The following PHACTR2 variants were observed in gnomAD, a reference collection of about 807,000 sequenced individuals.
PHACTR2 encodes phosphatase and actin regulator 2.
PHACTR2 carries 30 observed loss-of-function variants against 76.0 expected under a neutral mutation model. That is an observed-to-expected ratio of 0.39 (90% CI 0.30 to 0.54). PHACTR2 has a LOEUF of 0.54. Ranked by LOEUF, PHACTR2 falls within the 20% of genes least tolerant of loss-of-function variation. The probability of loss-of-function intolerance (pLI) is 0.61; values close to 1 mark genes in which losing one functional copy is unlikely to be tolerated. For missense variants in PHACTR2, 696 were observed against 781.1 expected, an observed-to-expected ratio of 0.89 and a Z score of 1.30; for synonymous variants, 292 against 292.5, an observed-to-expected ratio of 1.00 and a Z score of 0.02.
rs1352174516 is a variant in PHACTR2, at chr6:143,641,155, T to C, written c.13+32833T>C. ...GAGAGAGCAAGAGGGGGTTCAAACT[T>C]GCCATTTTATCGCAACATTAATCCC... On this transcript the variant is annotated intron_variant, in intron 1 of 11. Transcript: ENST00000305766. This position sits in a 1 kb window ranked among gnomAD's most constrained non-coding sequence, Gnocchi z 5.8. 6.6e-6 allele frequency among the ~76,000 whole-genome samples: 1 copy of C among 152,146 alleles called. No individual in the cohort carries two copies. The highest frequency in any genetic ancestry group is 1.5e-5 in the Non-Finnish European group (1 of 68,032).
chr6:143,556,616 C>T lies in PHACTR2; in HGVS notation c.217+19409C>T, dbSNP rs1401125891. ...AATCAATCTAAACGCAGCCCTAGAG[C>T]AGCAATTCAGCTTCCCAGCTTGGAG... On this transcript the variant is annotated intron_variant, in intron 1 of 11. Coordinates refer to the PHACTR2 transcript ENST00000367584. This position sits in a 1 kb window ranked among gnomAD's most constrained non-coding sequence, Gnocchi z 4.3. Among the ~76,000 whole-genome samples the T allele has an allele frequency of 1.3e-5, 2 of 152,202 alleles. No individual in the cohort carries two copies. The highest frequency in any genetic ancestry group is 2.9e-5 in the Non-Finnish European group (2 of 68,044).
At chr6:143,762,341 T>C (rs528229784) in intron 5 of PHACTR2, among the ~76,000 whole-genome samples, 1 of 152,340 alleles carries the variant, frequency 6.6e-6, no homozygotes, top group East Asian at 1.9e-4. Context: ...ACAGCTTTCA[T>C]AAACGATTTT....
chr6:143,657,198 T>C (rs781638100), intron 1 of PHACTR2, among the ~76,000 whole-genome samples: 1 of 152,004 alleles, frequency 6.6e-6, no homozygotes, highest in Non-Finnish European at 1.5e-5. Context: ...CATGTAAACC[T>C]ATGTAACAAA....
In PHACTR2 at chr6:143,541,904, T is replaced by G. The variant is rs1183388802; in HGVS notation, c.217+4697T>G. On this transcript the variant is annotated intron_variant, in intron 1 of 11. Coordinates refer to the PHACTR2 transcript ENST00000367584. This position sits in a 1 kb window ranked among gnomAD's most constrained non-coding sequence, Gnocchi z 5.3. ...AACTCTTTGAGTTGATGCTTTGTGC[T>G]CCGAAAGGGTGTCTGGGTCCCAAGA... 6.6e-6 allele frequency among the ~76,000 whole-genome samples: 1 copy of G among 152,198 alleles called. No homozygotes were observed. Among genetic ancestry groups the G allele is most frequent in the Non-Finnish European group, 1.5e-5 (1 of 68,042 alleles).
intron 2 of PHACTR2, among the ~76,000 whole-genome samples, chr6:143,735,160 T>C (rs893276019): frequency 2.0e-5 from 3 of 152,224 alleles, no homozygotes; most frequent in Admixed American, 6.5e-5. Flanking sequence ...TTTCTCCAAC[T>C]GATTCCCAAG....
In PHACTR2 at chr6:143,704,095, C is replaced by CTGTGTGTGTGTGTGTCTGTGTGTGTG. The variant is rs71024872; in HGVS notation, c.47-7906_47-7905insCTGTGTGTGTGTGTGTGTGTGTGTGT. Among the ~76,000 whole-genome samples, 11 of 144,210 alleles carry CTGTGTGTGTGTGTGTCTGTGTGTGTG rather than the reference C, an allele frequency of 7.6e-5. No homozygotes were observed. The South Asian group carries it at 9.0e-4, about 12-fold the overall frequency. 94.6% of individuals were successfully genotyped at this position (144,210 alleles called of 152,430 possible). On this transcript the variant is annotated intron_variant, in intron 1 of 12. Coordinates refer to ENST00000440869, the MANE Select transcript of PHACTR2 (RefSeq NM_001100164.2). ...ATCATGGGTGTGTGTGTGTGTGTGTCTGTGTGTGTGTGTGTGTGTGTGTGT... is the reference window on the plus strand; with the variant it reads ...ATCATGGGTGTGTGTGTGTGTGTGTCTGTGTGTGTGTGTGTCTGTGTGTGTGTGTGTGTGTGTGTGTGTGTGTGTGT...
rs1359551628 is a variant in PHACTR2 at position 143,794,478 on chromosome 6, T to C, written c.1845+5568T>C. 6.6e-6 allele frequency among the ~76,000 whole-genome samples: 1 copy of C among 152,096 alleles called. No homozygotes were observed. The highest frequency in any genetic ancestry group is 1.5e-5 in the Non-Finnish European group (1 of 68,016). On this transcript the variant is annotated intron_variant, in intron 11 of 12. Transcript: ENST00000440869. The surrounding 1 kb of genome is among the most constrained non-coding windows in gnomAD (Gnocchi z 4.1). ...ATTTTTAAAAACTATTCAAAGTAAATATTTCCACCTCTGCTTTAAAAAATA... is the reference window on the plus strand; with the variant it reads ...ATTTTTAAAAACTATTCAAAGTAAACATTTCCACCTCTGCTTTAAAAAATA...
Position 143,678,013 on chromosome 6 carries a change from A to C in PHACTR2, c.-151A>C. 1 of 1,459,610 alleles carries C rather than the reference A, an allele frequency of 6.9e-7. No individual in the cohort carries two copies. The highest frequency in any genetic ancestry group is 9.1e-7 in the Non-Finnish European group (1 of 1,100,218). The allele number at this position is 1,459,610 out of a possible 1,614,324, so 90.4% of individuals were successfully genotyped here. Reference sequence around the variant, plus strand: ...GCCGGCTGCGGCCGGCCGGGCTGGGAGACCCGCGCGGGGTAGAAGGTGAGG... The same window carrying C: ...GCCGGCTGCGGCCGGCCGGGCTGGGCGACCCGCGCGGGGTAGAAGGTGAGG... On this transcript the variant is annotated 5_prime_UTR_variant, in exon 1 of 13. Coordinates refer to ENST00000440869, the MANE Select transcript of PHACTR2 (RefSeq NM_001100164.2). This position sits in a 1 kb window ranked among gnomAD's most constrained non-coding sequence, Gnocchi z 6.2.
chr6:143,608,104 A>T (rs2128436895), upstream of PHACTR2: 13 of 614,376 alleles, frequency 2.1e-5, no homozygotes, highest in South Asian at 2.1e-4. This position sits in a 1 kb window ranked among gnomAD's most constrained non-coding sequence, Gnocchi z 4.6. Context: ...AGTCTCTCTT[A>T]ATCAGCCTGT....
intron 11 of PHACTR2, among the ~76,000 whole-genome samples, chr6:143,802,470 T>C (rs950833293): frequency 2.8e-5 from 4 of 144,976 alleles, no homozygotes; most frequent in African/African-American, 1.0e-4. Context: ...CAAAACCTCA[T>C]CTCCACAAAT....
At chr6:143,687,910 A>T (rs1174021552) in intron 1 of PHACTR2, among the ~76,000 whole-genome samples, 2 of 152,210 alleles carry the variant, frequency 1.3e-5, no homozygotes, top group Non-Finnish European at 2.9e-5. Context: ...CAGTTCCTAA[A>T]TTAAAGTTAT....
Position 143,589,395 on chromosome 6 carries a change from C to A in PHACTR2, c.217+52188C>A, listed in dbSNP as rs1295088221. On this transcript the variant is annotated intron_variant, in intron 1 of 11. Transcript: ENST00000367584. This position sits in a 1 kb window ranked among gnomAD's most constrained non-coding sequence, Gnocchi z 4.4. ...TTCCTCCTGCTCCAGCCATGTAAGA[C>A]GTGCCTGCTTCCTCTTTGCCTTTTG... 6.6e-6 allele frequency among the ~76,000 whole-genome samples: 1 copy of A among 152,198 alleles called. No homozygotes were observed. Among genetic ancestry groups the A allele is most frequent in the Non-Finnish European group, 1.5e-5 (1 of 68,046 alleles).
intron 1 of PHACTR2, among the ~76,000 whole-genome samples, chr6:143,631,578 A>G (rs950709872): frequency 5.9e-5 from 9 of 152,092 alleles, no homozygotes; most frequent in Non-Finnish European, 7.4e-5. Flanking sequence ...GTTACTTTGT[A>G]TTAAATTGAA....
chr6:143,654,439 A>G lies in PHACTR2; in HGVS notation c.13+46117A>G, dbSNP rs114412316. On this transcript the variant is annotated intron_variant, in intron 1 of 11. Coordinates refer to the PHACTR2 transcript ENST00000305766. This position sits in a 1 kb window ranked among gnomAD's most constrained non-coding sequence, Gnocchi z 4.6. The stretch of plus-strand genomic sequence containing the variant: ...ACAGCCTAAAAGTGGAAACAACCCA[A>G]ATGTTCATCAAACTGATGAATTCGT... Among the ~76,000 whole-genome samples the G allele has an allele frequency of 0.018, 2,760 of 152,276 alleles. 83 individuals are homozygous for G. Among genetic ancestry groups the G allele is most frequent in the African/African-American group, 0.061 (2,536 of 41,548 alleles).
In PHACTR2 at chr6:143,767,715, C is replaced by T. The variant is rs1017960446; in HGVS notation, c.1232+1917C>T. Among the ~76,000 whole-genome samples, 9 of 152,160 alleles carry T rather than the reference C, an allele frequency of 5.9e-5. No homozygotes were observed. The highest frequency in any genetic ancestry group is 1.9e-4 in the African/African-American group (8 of 41,428). The stretch of plus-strand genomic sequence containing the variant: ...AGAGAGCACAACAGAGTGAACCTAC[C>T]CCTGTGAGCCCTTTTGAAAATGGCA... On this transcript the variant is annotated intron_variant, in intron 6 of 12. Coordinates refer to ENST00000440869, the MANE Select transcript of PHACTR2 (RefSeq NM_001100164.2). This position sits in a 1 kb window ranked among gnomAD's most constrained non-coding sequence, Gnocchi z 4.4.
In PHACTR2 at chr6:143,766,218, CT is replaced by C. The variant is rs1349332708; in HGVS notation, c.1232+426del. ...AGAAGAGAACTCTCAAATTTGAACT[CT>C]TTTTTCTCCATCAGTAGAGTTGTCC... On this transcript the variant is annotated intron_variant, in intron 6 of 12. Transcript: ENST00000440869. 3.3e-5 allele frequency among the ~76,000 whole-genome samples: 5 copies of C among 152,204 alleles called. No homozygotes were observed. In the East Asian group the frequency reaches 7.7e-4, roughly 23 times the overall value.
Position 143,641,802 on chromosome 6 carries a change from A to G in PHACTR2, c.13+33480A>G, listed in dbSNP as rs1386129207. On this transcript the variant is annotated intron_variant, in intron 1 of 11. Coordinates refer to the PHACTR2 transcript ENST00000305766. The surrounding 1 kb of genome is among the most constrained non-coding windows in gnomAD (Gnocchi z 5.8). ...ATTACAGGTATGAGCCACCGCACCC[A>G]GCCAAATTTCTGTTGTTTTAAGTCA... Among the ~76,000 whole-genome samples, 1 of 152,262 alleles carries G rather than the reference A, an allele frequency of 6.6e-6. No homozygotes were observed. Among genetic ancestry groups the G allele is most frequent in the East Asian group, 1.9e-4 (1 of 5,186 alleles).
At position 143,765,829 on chromosome 6, in the gene PHACTR2, C is replaced by CT. The variant is rs1445127094; in HGVS notation, c.1232+32dup. The CT allele has an allele frequency of 4.5e-6, 7 of 1,552,478 alleles. No homozygotes were observed. The highest frequency in any genetic ancestry group is 6.2e-6 in the Non-Finnish European group (7 of 1,135,066). On this transcript the variant is annotated intron_variant, in intron 6 of 12. Coordinates refer to ENST00000440869, the MANE Select transcript of PHACTR2 (RefSeq NM_001100164.2). This position sits in a 1 kb window ranked among gnomAD's most constrained non-coding sequence, Gnocchi z 4.1. ...TTGGGGAACAAACCCCCTATTTTAT[C>CT]TGAGAACTAAAGATCACTAATATAT...
Position 143,553,190 on chromosome 6 carries a change from C to T in PHACTR2, c.217+15983C>T, listed in dbSNP as rs977709104. On this transcript the variant is annotated intron_variant, in intron 1 of 11. Transcript: ENST00000367584. The surrounding 1 kb of genome is among the most constrained non-coding windows in gnomAD (Gnocchi z 4.2). ...CCAGTGAGAAAACAAAAATCCAGCT[C>T]ATAGAGACTGCAGTATAGTGAGGGT... Among the ~76,000 whole-genome samples the T allele has an allele frequency of 2.0e-5, 3 of 152,176 alleles. No individual in the cohort carries two copies. Among genetic ancestry groups the T allele is most frequent in the Non-Finnish European group, 4.4e-5 (3 of 68,044 alleles).
Sources: gnomAD v4.1 joint callset for allele counts (sites outside exome capture counted in the v4.1 genomes callset) on GRCh38, gnomAD v4.1.1 for gene constraint, Gnocchi (gnomAD v3.1) non-coding constraint, MANE v1.5 for transcripts, NCBI Gene and HGNC (gene_info 2026-07-23, HGNC 2026-07-21) for gene names.